KCNG3: variants seen among roughly 807,000 people sequenced by gnomAD.
The protein encoded by KCNG3 is voltage-gated potassium channel regulatory subunit KCNG3.
A neutral mutation model predicts 29.0 loss-of-function variants in KCNG3; 15 were observed. The ratio of observed to expected loss-of-function variants is 0.52; its 90% CI spans 0.35 to 0.80. KCNG3 has a LOEUF of 0.80. KCNG3 is among the 30% of genes least tolerant of loss of function. The pLI, the probability that KCNG3 is intolerant of heterozygous loss-of-function variation, is 0.01. For synonymous variants in KCNG3, 322 were observed against 248.9 expected (o/e 1.29, Z -2.76); for missense variants, 512 against 605.7 (o/e 0.85, Z 1.62).
At chr2:42,465,219 TTC>T (rs1257343694) in intron 1 of KCNG3, among the ~76,000 whole-genome samples, 12 of 147,054 alleles carry the variant, frequency 8.2e-5, no homozygotes, top group African/African-American at 3.1e-4. Context: ...CTTTCTTTCT[TTC>T]TTTTTTTTTT....
At chr2:42,410,509 G>A in the KCNG3 span, among the ~76,000 whole-genome samples, 1 of 152,066 alleles carries the variant, frequency 6.6e-6, no homozygotes, top group Non-Finnish European at 1.5e-5. Flanking sequence ...TGGCACCTTA[G>A]TCTAGATTGA....
At chr2:42,424,042 C>A in the KCNG3 span, among the ~76,000 whole-genome samples, 9 of 152,302 alleles carry the variant, frequency 5.9e-5, no homozygotes, top group South Asian at 2.1e-4. Context: ...AGCCTTTAGG[C>A]TCAAGACCCC....
chr2:42,452,243 A>ATAT, intron 1 of KCNG3, among the ~76,000 whole-genome samples: 139 of 95,040 alleles, frequency 1.5e-3, no homozygotes, highest in African/African-American at 5.1e-3. Flanking sequence ...ATATATATAT[A>ATAT]TTTTTTTTTT....
At chr2:42,393,793 T>C in the KCNG3 span, among the ~76,000 whole-genome samples, 1 of 151,924 alleles carries the variant, frequency 6.6e-6, no homozygotes, top group Non-Finnish European at 1.5e-5. Flanking sequence ...CCCCTTTTTT[T>C]TTCTCGAGAC....
intron 1 of KCNG3, among the ~76,000 whole-genome samples, chr2:42,484,700 AT>A (rs1329381672): frequency 2.0e-5 from 3 of 152,344 alleles, no homozygotes; most frequent in Admixed American, 2.0e-4. Flanking sequence ...GAAAGTTCTA[AT>A]TTTACAAATA....
chr2:42,394,900 A>G, the KCNG3 span, among the ~76,000 whole-genome samples: 1 of 152,202 alleles, frequency 6.6e-6, no homozygotes, highest in African/African-American at 2.4e-5. Flanking sequence ...CACACTTTCT[A>G]GTCTCAGACC....
chr2:42,389,866 C>G, the KCNG3 span, among the ~76,000 whole-genome samples: 1 of 152,188 alleles, frequency 6.6e-6, no homozygotes, highest in African/African-American at 2.4e-5. Flanking sequence ...AAGAAAGTCC[C>G]TGGTGCTTTG....
chr2:42,451,980 T>C (rs1004839776), intron 1 of KCNG3, among the ~76,000 whole-genome samples: 2 of 151,942 alleles, frequency 1.3e-5, no homozygotes, highest in African/African-American at 2.4e-5. Flanking sequence ...GAGATGATAT[T>C]TGCAAGTCAT....
chr2:42,391,706 C>T, the KCNG3 span, among the ~76,000 whole-genome samples: 1 of 147,384 alleles, frequency 6.8e-6, no homozygotes, highest in South Asian at 2.2e-4. Context: ...GGGTTCACGC[C>T]ATTCTCCTGC....
At chr2:42,483,694 A>C (rs1160387387) in intron 1 of KCNG3, among the ~76,000 whole-genome samples, 1 of 152,256 alleles carries the variant, frequency 6.6e-6, no homozygotes, top group Admixed American at 6.5e-5. Context: ...CAGATGAGAC[A>C]TTTATTAAAT....
At chr2:42,484,437 G>C (rs551000346) in intron 1 of KCNG3, among the ~76,000 whole-genome samples, 2 of 152,190 alleles carry the variant, frequency 1.3e-5, no homozygotes, top group African/African-American at 2.4e-5. Flanking sequence ...ACTCCAGCCT[G>C]GCAACAGAGC....
At position 42,448,101 on chromosome 2, in the gene KCNG3, G is replaced by A. The variant is rs116566296; in HGVS notation, c.666-3522C>T. On this transcript the variant is annotated intron_variant, in intron 1 of 1. Transcript: ENST00000306078. ...GAGATGAAAAGTGCTAGCTTATTTT[G>A]AGCAATGTTGAGCATCTTTGCACAT... Among the ~76,000 whole-genome samples the A allele has an allele frequency of 6.8e-3, 1,041 of 152,252 alleles. 15 individuals carry two copies. The highest frequency in any genetic ancestry group is 0.024 in the African/African-American group (998 of 41,552).
intron 1 of KCNG3, among the ~76,000 whole-genome samples, chr2:42,477,372 T>TACACACACAC (rs1558386554): frequency 2.0e-5 from 2 of 101,752 alleles, no homozygotes; most frequent in South Asian, 3.7e-4. Context: ...TACATATATA[T>TACACACACAC]ACACACACAT....
intron 1 of KCNG3, among the ~76,000 whole-genome samples, chr2:42,481,076 T>C (rs898171613): frequency 6.6e-6 from 1 of 152,204 alleles, no homozygotes; most frequent in Non-Finnish European, 1.5e-5. Context: ...CCACTGCGCC[T>C]GGCCAAAATC....
the KCNG3 span, among the ~76,000 whole-genome samples, chr2:42,397,809 C>T: frequency 5.9e-5 from 9 of 152,140 alleles, no homozygotes; most frequent in Admixed American, 1.3e-4. Flanking sequence ...TTTAAGAAGA[C>T]ATGTTTGTGT....
chr2:42,478,702 C>T (rs114777917), intron 1 of KCNG3, among the ~76,000 whole-genome samples: 47 of 152,272 alleles, frequency 3.1e-4, no homozygotes, highest in South Asian at 8.3e-4. Flanking sequence ...CCTTCCACAG[C>T]GGCACCATCT....
chr2:42,432,036 C>CAA, the KCNG3 span, among the ~76,000 whole-genome samples: 27,460 of 113,238 alleles, frequency 0.24, 3,173 homozygotes, highest in East Asian at 0.4. Flanking sequence ...AAGACTCTAT[C>CAA]AAAAAAAAAA....
At chr2:42,477,592 G>A (rs1673470982) in intron 1 of KCNG3, among the ~76,000 whole-genome samples, 1 of 151,468 alleles carries the variant, frequency 6.6e-6, no homozygotes, top group Non-Finnish European at 1.5e-5. Context: ...AGATATTTGT[G>A]TCGGGGTCGG....
chr2:42,472,114 C>T (rs954925894), intron 1 of KCNG3, among the ~76,000 whole-genome samples: 1 of 152,116 alleles, frequency 6.6e-6, no homozygotes, highest in African/African-American at 2.4e-5. Flanking sequence ...CAACTCCAAT[C>T]CTAGGTAGAT....
Sources: allele counts gnomAD v4.1 joint callset (sites outside exome capture counted in the v4.1 genomes callset), GRCh38; gene constraint gnomAD v4.1.1; transcripts MANE v1.5; gene names NCBI Gene and HGNC (gene_info 2026-07-23, HGNC 2026-07-21).